Variants in CAPZB observed in about 807,000 individuals in gnomAD.
CAPZB encodes F-actin-capping protein subunit beta.
CAPZB carries 2 observed loss-of-function variants against 38.1 expected under a neutral mutation model. That is an observed-to-expected ratio of 0.05 (90% CI 0.02 to 0.17). CAPZB has a LOEUF of 0.17. Ranked by LOEUF, CAPZB falls within the 10% of genes least tolerant of loss-of-function variation. CAPZB has a pLI of 1.00. For synonymous variants in CAPZB, 107 were observed against 127.4 expected, an observed-to-expected ratio of 0.84 and a Z score of 1.08; for missense variants, 161 against 334.2, an observed-to-expected ratio of 0.48 and a Z score of 4.04.
chr1:19,402,180 C>T (rs1304271661), intron 2 of CAPZB, among the ~76,000 whole-genome samples: 1 of 152,200 alleles, frequency 6.6e-6, no homozygotes, highest in African/African-American at 2.4e-5. Context: ...CAGCTGTTCC[C>T]ACCAGGGCTG....
At position 19,365,441 on chromosome 1, in the gene CAPZB, G is replaced by A. The variant is rs562333400; in HGVS notation, c.330-7878C>T. Among the ~76,000 whole-genome samples, 53 of 152,320 alleles carry A rather than the reference G, an allele frequency of 3.5e-4. 1 individual carries two copies. The South Asian group carries it at 5.4e-3, about 15-fold the overall frequency. On this transcript the variant is annotated intron_variant, in intron 4 of 8. Transcript: ENST00000264202. ...TCGCGTGGATTTCCAGAAAGAGCAC[G>A]GGCAGCCCTAGTGAAGGCTTCTGTG...
chr1:19,346,452 TAAAAAAAAAAAA>T (rs200968507), intron 6 of CAPZB, among the ~76,000 whole-genome samples: 20 of 73,280 alleles, frequency 2.7e-4, no homozygotes, highest in South Asian at 8.9e-4. Flanking sequence ...TGAGAGAAGC[TAAAAAAAAAAAA>T]AAAAAAAAAA....
chr1:19,476,214 AG>A (rs869159805), intron 1 of CAPZB, among the ~76,000 whole-genome samples: 31,422 of 132,600 alleles, frequency 0.24, 3,792 homozygotes, highest in Admixed American at 0.33. Flanking sequence ...ATAGATAGAT[AG>A]ATAGATAGAT....
intron 8 of CAPZB, among the ~76,000 whole-genome samples, chr1:19,340,535 C>G (rs1354863798): frequency 3.3e-5 from 5 of 152,194 alleles, no homozygotes; most frequent in Admixed American, 1.3e-4. Context: ...CTGGGGAAGT[C>G]TCAACTATCA....
At chr1:19,469,087 C>T (rs2094577914) in intron 1 of CAPZB, among the ~76,000 whole-genome samples, 1 of 152,172 alleles carries the variant, frequency 6.6e-6, no homozygotes, top group Non-Finnish European at 1.5e-5. Flanking sequence ...ATCAATGTCT[C>T]TTTGAATGAA....
At chr1:19,416,857 T>A (rs2094381588) in intron 2 of CAPZB, among the ~76,000 whole-genome samples, 1 of 32,476 alleles carries the variant, frequency 3.1e-5, no homozygotes, top group Non-Finnish European at 4.8e-5. Flanking sequence ...CAAGACCCTG[T>A]CTCAAAAAAA....
At chr1:19,355,702 C>T (rs1036770208) in intron 6 of CAPZB, among the ~76,000 whole-genome samples, 5 of 152,214 alleles carry the variant, frequency 3.3e-5, no homozygotes, top group Non-Finnish European at 7.3e-5. Context: ...AAGGCTGTGC[C>T]GTTTCTGCCA....
intron 1 of CAPZB, among the ~76,000 whole-genome samples, chr1:19,446,194 AC>A (rs1373403018): frequency 6.6e-6 from 1 of 152,228 alleles, no homozygotes; most frequent in African/African-American, 2.4e-5. Flanking sequence ...CCAAAGGAAA[AC>A]AGCACTGGCC....
rs111478572 is a variant in CAPZB at position 19,456,059 on chromosome 1, G to A, written c.3+29377C>T. 2.0e-3 allele frequency among the ~76,000 whole-genome samples: 311 copies of A among 152,238 alleles called. 1 individual carries two copies. The highest frequency in any genetic ancestry group is 6.7e-3 in the African/African-American group (278 of 41,534). ...CCCAAGTAGCTGGGACTACAGGCGC[G>A]CACCATCATGTCTGGCTAATTTTTG... On this transcript the variant is annotated intron_variant, in intron 1 of 8. Transcript: ENST00000264202.
At chr1:19,391,303 G>A (rs944115875) in intron 2 of CAPZB, among the ~76,000 whole-genome samples, 2 of 152,190 alleles carry the variant, frequency 1.3e-5, no homozygotes, top group Non-Finnish European at 2.9e-5. Flanking sequence ...GACCCACGGA[G>A]TCTAACCCAC....
chr1:19,373,400 T>C (rs1453217886), intron 4 of CAPZB, among the ~76,000 whole-genome samples: 3 of 152,220 alleles, frequency 2.0e-5, no homozygotes, highest in African/African-American at 7.2e-5. Context: ...CATTCTGACA[T>C]TGATTCCATG....
intron 1 of CAPZB, among the ~76,000 whole-genome samples, chr1:19,463,579 C>T (rs184386627): frequency 1.5e-3 from 235 of 152,314 alleles, no homozygotes; most frequent in South Asian, 2.3e-3. Context: ...GCCCTGTGAG[C>T]TGGAACTGCC....
chr1:19,353,346 T>C (rs75840289), intron 6 of CAPZB, among the ~76,000 whole-genome samples: 221 of 152,252 alleles, frequency 1.5e-3, no homozygotes, highest in African/African-American at 5.2e-3. Context: ...CAGGCCCAGG[T>C]TGCTGTAAGG....
At chr1:19,389,920 CT>C (rs2094223689) in intron 2 of CAPZB, among the ~76,000 whole-genome samples, 1 of 152,228 alleles carries the variant, frequency 6.6e-6, no homozygotes, top group South Asian at 2.1e-4. Flanking sequence ...CTGCCAATGA[CT>C]TTCACCTTAC....
intron 1 of CAPZB, among the ~76,000 whole-genome samples, chr1:19,433,613 G>C (rs946897): frequency 0.21 from 31,715 of 152,100 alleles, 4,403 homozygotes; most frequent in African/African-American, 0.39. Flanking sequence ...AAGCAAAAAG[G>C]TTTAAAGGAT....
intron 1 of CAPZB, among the ~76,000 whole-genome samples, chr1:19,439,670 T>G (rs1309773887): frequency 6.6e-6 from 1 of 152,236 alleles, no homozygotes; most frequent in Non-Finnish European, 1.5e-5. Flanking sequence ...ACACCTGAAG[T>G]GAGCCATCTC....
intron 1 of CAPZB, among the ~76,000 whole-genome samples, chr1:19,443,429 CTTT>C (rs1360581785): frequency 6.6e-6 from 1 of 151,824 alleles, no homozygotes; most frequent in Admixed American, 6.6e-5. Context: ...AAATCCATTC[CTTT>C]TTTTAAAATA....
chr1:19,432,659 G>A (rs2094446295), intron 1 of CAPZB, among the ~76,000 whole-genome samples: 2 of 152,218 alleles, frequency 1.3e-5, no homozygotes, highest in South Asian at 2.1e-4. Context: ...GCTGCAGGAG[G>A]TGGCTCTTGG....
intron 1 of CAPZB, among the ~76,000 whole-genome samples, chr1:19,452,012 G>A (rs977570211): frequency 6.6e-6 from 1 of 151,684 alleles, no homozygotes; most frequent in African/African-American, 2.4e-5. Context: ...CTTTGTCCAA[G>A]AGACCACAGT....
Sources: gnomAD v4.1 joint callset for allele counts (sites outside exome capture counted in the v4.1 genomes callset) on GRCh38, gnomAD v4.1.1 for gene constraint, MANE v1.5 for transcripts, NCBI Gene and HGNC (gene_info 2026-07-23, HGNC 2026-07-21) for gene names.